PRKAG2: variants seen among roughly 807,000 people sequenced by gnomAD.
PRKAG2 encodes protein kinase AMP-activated non-catalytic subunit gamma 2.
In PRKAG2, 26 loss-of-function variants were observed where a neutral mutation model predicts 69.6. The ratio of observed to expected loss-of-function variants is 0.37; its 90% CI spans 0.27 to 0.52. The LOEUF is 0.52. Ranked by LOEUF, PRKAG2 falls within the 20% of genes least tolerant of loss-of-function variation. The probability of loss-of-function intolerance (pLI) is 0.90; values close to 1 mark genes in which losing one functional copy is unlikely to be tolerated. For missense variants in PRKAG2, 557 were observed against 740.0 expected (o/e 0.75, Z 2.87); for synonymous variants, 293 against 285.0 (o/e 1.03, Z -0.28).
chr7:151,789,934 G>A (rs765554663), intron 1 of PRKAG2, among the ~76,000 whole-genome samples: 3 of 152,036 alleles, frequency 2.0e-5, no homozygotes, highest in South Asian at 2.1e-4. Flanking sequence ...TCTCTGTTCC[G>A]GTCTCCTCCT....
At chr7:151,832,584 T>C (rs2079060488) in intron 1 of PRKAG2, among the ~76,000 whole-genome samples, 1 of 96,232 alleles carries the variant, frequency 1.0e-5, no homozygotes, top group African/African-American at 3.9e-5. Context: ...TGCTGGGCAC[T>C]GAGGCATCTC....
rs73728421 is a variant in PRKAG2 at position 151,851,375 on chromosome 7, C to T, written c.114+25132G>A. Among the ~76,000 whole-genome samples the T allele has an allele frequency of 3.4e-3, 516 of 151,796 alleles. 6 individuals carry two copies. The highest frequency in any genetic ancestry group is 0.012 in the African/African-American group (488 of 41,322). On this transcript the variant is annotated intron_variant, in intron 1 of 15. Transcript: ENST00000287878. The stretch of plus-strand genomic sequence containing the variant: ...AAAAGAAAAAAAAAAATCACTTCTG[C>T]TTTTGCCAAGCAGCTTCCCTTTTTC...
rs1253562697 is a variant in PRKAG2, at chr7:151,756,865, G to T, written c.466+24287C>A. Among the ~76,000 whole-genome samples, 2 of 152,160 alleles carry T rather than the reference G, an allele frequency of 1.3e-5. No homozygotes were observed. Among genetic ancestry groups the T allele is most frequent in the Non-Finnish European group, 2.9e-5 (2 of 68,032 alleles). Reference sequence around the variant, plus strand: ...TTAAACTCCATCTGCTTTTAGTACGGAGAGTAACCCTCTTCCAGGTAGGAC... The same window carrying T: ...TTAAACTCCATCTGCTTTTAGTACGTAGAGTAACCCTCTTCCAGGTAGGAC... On this transcript the variant is annotated intron_variant, in intron 3 of 15. Coordinates refer to ENST00000287878, the MANE Select transcript of PRKAG2 (RefSeq NM_016203.4). This position sits in a 1 kb window ranked among gnomAD's most constrained non-coding sequence, Gnocchi z 4.9.
Position 151,849,650 on chromosome 7 carries a change from C to A in PRKAG2, c.114+26857G>T, listed in dbSNP as rs76988294. 1.1e-3 allele frequency among the ~76,000 whole-genome samples: 174 copies of A among 152,300 alleles called. 3 individuals are homozygous for A. Among genetic ancestry groups the A allele is most frequent in the East Asian group, 7.9e-3 (41 of 5,174 alleles). On this transcript the variant is annotated intron_variant, in intron 1 of 15. Transcript: ENST00000287878. The stretch of plus-strand genomic sequence containing the variant: ...GCCTGTGGGGGACCCTTCCGTGCCT[C>A]TTCCTAGTTCTGAGGGTCACTGGCT...
chr7:151,576,127 G>C, intron 7 of PRKAG2: 1 of 519,402 alleles, frequency 1.9e-6, no homozygotes, highest in Non-Finnish European at 3.5e-6. Context: ...TTTTTGTAGA[G>C]ATGAGGTCTT....
intron 3 of PRKAG2, among the ~76,000 whole-genome samples, chr7:151,729,274 T>C (rs1203201887): frequency 6.6e-6 from 1 of 152,078 alleles, no homozygotes; most frequent in African/African-American, 2.4e-5. Context: ...CTGGCTACAG[T>C]GTCCGAAACC....
At chr7:151,593,151 G>A (rs1813652325) in intron 6 of PRKAG2, among the ~76,000 whole-genome samples, 1 of 152,178 alleles carries the variant, frequency 6.6e-6, no homozygotes, top group Non-Finnish European at 1.5e-5. Context: ...ATGGAAAGCT[G>A]GGTAAAAGTC....
rs141081170 is a variant in PRKAG2 at position 151,724,802 on chromosome 7, G to A, written c.467-49165C>T. Among the ~76,000 whole-genome samples the A allele has an allele frequency of 4.3e-3, 654 of 152,214 alleles. 1 individual carries two copies. Among genetic ancestry groups the A allele is most frequent in the Non-Finnish European group, 6.2e-3 (421 of 68,026 alleles). On this transcript the variant is annotated intron_variant, in intron 3 of 15. Transcript: ENST00000287878. ...CAAGTGCCGACTTGCAGAGGCCTCG[G>A]GAGTGACAGTGGAACAGAGGGTGGC...
intron 4 of PRKAG2, among the ~76,000 whole-genome samples, chr7:151,642,478 G>A (rs1456208164): frequency 6.6e-6 from 1 of 152,152 alleles, no homozygotes; most frequent in African/African-American, 2.4e-5. Flanking sequence ...GCAGTGAGCT[G>A]TGATCACACC....
chr7:151,651,375 G>A (rs1255002339), intron 4 of PRKAG2, among the ~76,000 whole-genome samples: 1 of 152,200 alleles, frequency 6.6e-6, no homozygotes, highest in East Asian at 1.9e-4. Context: ...GGGAGGCCAA[G>A]GTGGGCAGAT....
intron 3 of PRKAG2, among the ~76,000 whole-genome samples, chr7:151,729,765 T>C (rs1798625208): frequency 1.3e-5 from 2 of 152,004 alleles, no homozygotes; most frequent in Non-Finnish European, 1.5e-5. Flanking sequence ...CAGGCTCCCT[T>C]CTGGGGCCTG....
At chr7:151,870,117 A>G (rs943780584) in intron 1 of PRKAG2, among the ~76,000 whole-genome samples, 2 of 113,292 alleles carry the variant, frequency 1.8e-5, no homozygotes, top group African/African-American at 6.1e-5. Context: ...CAGATGATAG[A>G]TAGATAGATA....
intron 1 of PRKAG2, among the ~76,000 whole-genome samples, chr7:151,854,993 C>T (rs539419973): frequency 8.0e-5 from 2 of 24,946 alleles, no homozygotes; most frequent in African/African-American, 1.5e-4. Context: ...GCTCCACACA[C>T]ACCATGCTCC....
chr7:151,721,414 G>C (rs1158199379), intron 3 of PRKAG2, among the ~76,000 whole-genome samples: 2 of 152,198 alleles, frequency 1.3e-5, no homozygotes, highest in African/African-American at 4.8e-5. Flanking sequence ...CCGGGGCCGA[G>C]GCCAGCACAG....
chr7:151,649,597 G>C (rs538872261), intron 4 of PRKAG2, among the ~76,000 whole-genome samples: 1 of 152,236 alleles, frequency 6.6e-6, no homozygotes, highest in South Asian at 2.1e-4. Flanking sequence ...TGGATCATGG[G>C]GGCGGTTTCT....
At chr7:151,707,445 A>T (rs552092874) in intron 3 of PRKAG2, among the ~76,000 whole-genome samples, 1 of 152,034 alleles carries the variant, frequency 6.6e-6, no homozygotes, top group Non-Finnish European at 1.5e-5. Context: ...CATTCCTAGA[A>T]ATGTTTCTTC....
chr7:151,652,931 A>G (rs182746087), intron 4 of PRKAG2, among the ~76,000 whole-genome samples: 3 of 152,268 alleles, frequency 2.0e-5, no homozygotes, highest in Non-Finnish European at 2.9e-5. Flanking sequence ...TTTGGGTCTC[A>G]ATAATTATGA....
chr7:151,629,788 C>T (rs1182028390), intron 5 of PRKAG2, among the ~76,000 whole-genome samples: 1 of 152,076 alleles, frequency 6.6e-6, no homozygotes, highest in Non-Finnish European at 1.5e-5. Flanking sequence ...TACATGAAGA[C>T]GTTAACAGGG....
intron 4 of PRKAG2, among the ~76,000 whole-genome samples, chr7:151,662,349 G>A (rs1004153594): frequency 1.3e-5 from 2 of 152,120 alleles, no homozygotes; most frequent in African/African-American, 2.4e-5. Context: ...CTACTTCTCC[G>A]TCCAGTGTTT....
Sources: gnomAD v4.1 joint callset for allele counts (sites outside exome capture counted in the v4.1 genomes callset) on GRCh38, gnomAD v4.1.1 for gene constraint, Gnocchi (gnomAD v3.1) non-coding constraint, MANE v1.5 for transcripts, NCBI Gene and HGNC (gene_info 2026-07-23, HGNC 2026-07-21) for gene names.